Variants in MEIS3 observed in about 807,000 individuals in gnomAD.
MEIS3 encodes homeobox protein Meis3.
In MEIS3, 38 loss-of-function variants were observed where a neutral mutation model predicts 51.4. That is an observed-to-expected ratio of 0.74 (90% CI 0.57 to 0.97). MEIS3 has a LOEUF of 0.97. MEIS3 is among the 50% of genes least tolerant of loss of function. The probability of loss-of-function intolerance (pLI) is 0.00; values close to 1 mark genes in which losing one functional copy is unlikely to be tolerated. For synonymous variants in MEIS3, 198 were observed against 201.8 expected, an observed-to-expected ratio of 0.98 and a Z score of 0.16; for missense variants, 456 against 502.6, an observed-to-expected ratio of 0.91 and a Z score of 0.89.
At chr19:47,413,192 T>C (rs1469759372) in intron 6 of MEIS3, among the ~76,000 whole-genome samples, 1 of 149,928 alleles carries the variant, frequency 6.7e-6, no homozygotes, top group South Asian at 2.1e-4. Context: ...AAGTCAGGAG[T>C]TCGAGGCCAG....
At chr19:47,420,026 G>C (rs1043658833), upstream of MEIS3, among the ~76,000 whole-genome samples, 8 of 152,164 alleles carry the variant, frequency 5.3e-5, no homozygotes, top group Admixed American at 1.3e-4. Flanking sequence ...AGTTAAGCTA[G>C]AGGGTGCCAG....
chr19:47,420,910 T>TCTCA (rs1457117398), upstream of MEIS3, among the ~76,000 whole-genome samples: 8,528 of 69,938 alleles, frequency 0.12, 640 homozygotes, highest in Non-Finnish European at 0.18. Context: ...TCTCTCTCTC[T>TCTCA]CACACACACA....
intron 8 of MEIS3, 112 bp downstream of exon 8, chr19:47,408,987 A>T: frequency 7.6e-7 from 1 of 1,318,638 alleles, no homozygotes; most frequent in Non-Finnish European, 1.0e-6. Context: ...GTCTCGAAAA[A>T]TTTCCTGCCG....
intron 6 of MEIS3, among the ~76,000 whole-genome samples, chr19:47,411,282 C>T (rs772547838): frequency 2.0e-5 from 3 of 152,148 alleles, no homozygotes; most frequent in Non-Finnish European, 4.4e-5. Flanking sequence ...CCATGCAGTT[C>T]GCAACCATCC....
upstream of MEIS3, among the ~76,000 whole-genome samples, chr19:47,420,879 GTC>G (rs1269281876): frequency 7.6e-6 from 1 of 131,562 alleles, no homozygotes; most frequent in Non-Finnish European, 1.6e-5. Context: ...CTGTCTGTCC[GTC>G]TCTGTCTCTC....
intron 1 of MEIS3, chr19:47,417,799 C>T: frequency 1.6e-6 from 1 of 627,660 alleles, no homozygotes; most frequent in Non-Finnish European, 2.9e-6. Flanking sequence ...ATAAGCGCAT[C>T]AGAGTAAGTC....
At position 47,407,463 on chromosome 19, in the gene MEIS3, G is replaced by T. The variant is rs778820856; in HGVS notation, c.859-35C>A. 1.1e-5 allele frequency: 18 copies of T among 1,613,814 alleles called. 1 individual carries two copies. In the South Asian group the frequency reaches 1.8e-4, roughly 16 times the overall value. ...CCAGCAAGAGTCACTCTGCCTGCCTGGCCGGCCGCAGTCTGAACCCCAAGG... is the reference window on the plus strand; with the variant it reads ...CCAGCAAGAGTCACTCTGCCTGCCTTGCCGGCCGCAGTCTGAACCCCAAGG... On this transcript the variant is annotated intron_variant, in intron 8 of 12. Coordinates refer to ENST00000558555, the MANE Select transcript of MEIS3 (RefSeq NM_001301059.2).
intron 6 of MEIS3, among the ~76,000 whole-genome samples, chr19:47,410,362 C>T (rs1051324284): frequency 6.2e-4 from 86 of 138,336 alleles, no homozygotes; most frequent in African/African-American, 2.2e-3. Context: ...GCGGGAGAAT[C>T]GCTTGAACCC....
At chr19:47,416,413 A>C in intron 4 of MEIS3, 1 of 485,104 alleles carries the variant, frequency 2.1e-6, no homozygotes, top group South Asian at 3.6e-5. Context: ...GGAGATGCAG[A>C]GTGACTTGCC....
At chr19:47,417,127 G>A in intron 2 of MEIS3, 51 bp downstream of exon 2, 3 of 1,538,664 alleles carry the variant, frequency 1.9e-6, no homozygotes, top group African/African-American at 1.4e-5. Flanking sequence ...GAGCAAAGAA[G>A]CAGAAAGACA....
intron 1 of MEIS3, chr19:47,418,701 C>T (rs1056886056): frequency 3.0e-5 from 4 of 132,198 alleles, no homozygotes; most frequent in African/African-American, 3.9e-5. Context: ...AGAGAGACTG[C>T]GGGTGGGGGA....
Position 47,414,914 on chromosome 19 carries a change from CG to C in MEIS3, c.448-49del. The C allele has an allele frequency of 6.5e-6, 2 of 308,508 alleles. 1 individual carries two copies. Among genetic ancestry groups the C allele is most frequent in the South Asian group, 7.5e-5 (2 of 26,696 alleles). 19.1% of individuals were successfully genotyped at this position (308,508 alleles called of 1,614,324 possible). ...GGGGGGGCCACCCACGGGGGCAGGGCGGGGGTGCTCAGGGACGGGGGCGGCA... is the reference window on the plus strand; with the variant it reads ...GGGGGGGCCACCCACGGGGGCAGGGCGGGGTGCTCAGGGACGGGGGCGGCA... On this transcript the variant is annotated intron_variant, in intron 5 of 12. Transcript: ENST00000558555.
chr19:47,414,229 G>C (rs997404894), intron 6 of MEIS3, among the ~76,000 whole-genome samples: 1 of 152,106 alleles, frequency 6.6e-6, no homozygotes, highest in Non-Finnish European at 1.5e-5. Context: ...TTATATCTGA[G>C]TTTGCCGGGC....
At chr19:47,407,303 C>T in intron 9 of MEIS3, 49 bp downstream of exon 9, 2 of 1,592,168 alleles carry the variant, frequency 1.3e-6, no homozygotes, top group Non-Finnish European at 1.7e-6. Context: ...GCGGACAGCG[C>T]CCGGGCTCTC....
intron 5 of MEIS3, 29 bp from the exon 6 acceptor site, chr19:47,414,895 G>A: frequency 3.4e-6 from 4 of 1,172,680 alleles, no homozygotes; most frequent in Admixed American, 2.0e-5. Context: ...ACTGGGGGGG[G>A]CCACCCACGG....
Position 47,417,095 on chromosome 19 carries a change from G to A in MEIS3, c.185+83C>T, listed in dbSNP as rs1971467182. On this transcript the variant is annotated intron_variant, in intron 2 of 12. Transcript: ENST00000558555. ...AAGGAGACAGAGACTCGTACACAGA[G>A]AGAGACAGAAGCAGACCCAGGGAGC... 9.7e-6 allele frequency: 15 copies of A among 1,541,738 alleles called. No homozygotes were observed. In the South Asian group the frequency reaches 1.6e-4, roughly 17 times the overall value.
At chr19:47,414,205 G>A (rs1018661102) in intron 6 of MEIS3, among the ~76,000 whole-genome samples, 14 of 152,094 alleles carry the variant, frequency 9.2e-5, no homozygotes, top group Non-Finnish European at 1.5e-4. Flanking sequence ...TGGTCAGTCC[G>A]GGCCCAAGTG....
chr19:47,415,939 T>C (rs59173273), intron 4 of MEIS3: 22,206 of 151,920 alleles, frequency 0.15, 1,905 homozygotes, highest in African/African-American at 0.24. Flanking sequence ...CCCTGTTGCC[T>C]GGGCTGGTAT....
chr19:47,407,841 C>T (rs1403673925), intron 8 of MEIS3, among the ~76,000 whole-genome samples: 1 of 152,206 alleles, frequency 6.6e-6, no homozygotes, highest in Non-Finnish European at 1.5e-5. Context: ...TGGAGTCTTG[C>T]TCTGTCGCCA....
Sources: gnomAD v4.1 joint callset for allele counts (sites outside exome capture counted in the v4.1 genomes callset) on GRCh38, gnomAD v4.1.1 for gene constraint, MANE v1.5 for transcripts, NCBI Gene and HGNC (gene_info 2026-07-23, HGNC 2026-07-21) for gene names.